SKIC3: variants seen among roughly 807,000 people sequenced by gnomAD.
SKIC3 encodes SKI3 subunit of superkiller complex.
At chr5:95,525,250 A>T in the SKIC3 span, 2 of 752,634 alleles carry the variant, frequency 2.7e-6, no homozygotes, top group Non-Finnish European at 4.4e-6. Flanking sequence ...CATGCTAAAT[A>T]CATTTCTTTA....
At chr5:95,516,753 GA>G in the SKIC3 span, 404 of 1,612,578 alleles carry the variant, frequency 2.5e-4, 1 homozygote, top group Non-Finnish European at 3.2e-4. Flanking sequence ...TTCAGACACT[GA>G]AAAGAAGTTA....
chr5:95,492,679 A>AAAAAAAAAAAAAAAAAAC, the SKIC3 span, among the ~76,000 whole-genome samples: 1 of 136,272 alleles, frequency 7.3e-6, no homozygotes, highest in Non-Finnish European at 1.6e-5. Flanking sequence ...AAAAAAAAAA[A>AAAAAAAAAAAAAAAAAAC]AAAAAAAAAA....
At chr5:95,512,205 G>A in the SKIC3 span, among the ~76,000 whole-genome samples, 1 of 152,254 alleles carries the variant, frequency 6.6e-6, no homozygotes, top group South Asian at 2.1e-4. Context: ...AGTGTATAGT[G>A]TATAGTGGAG....
At chr5:95,494,338 T>G in the SKIC3 span, among the ~76,000 whole-genome samples, 1 of 152,156 alleles carries the variant, frequency 6.6e-6, no homozygotes, top group Non-Finnish European at 1.5e-5. Context: ...AAATATAAAC[T>G]TTGCTCCTAT....
the SKIC3 span, chr5:95,494,557 C>T: frequency 4.1e-6 from 4 of 971,396 alleles, no homozygotes; most frequent in Admixed American, 2.0e-5. Flanking sequence ...AAATTACACA[C>T]ATTTTTGTCT....
chr5:95,528,071 GC>G, the SKIC3 span: 1 of 1,613,722 alleles, frequency 6.2e-7, no homozygotes, highest in Non-Finnish European at 8.5e-7. Context: ...TTTAATCAAA[GC>G]CTCTGCTTTC....
chr5:95,541,746 A>G, the SKIC3 span: 4 of 1,162,132 alleles, frequency 3.4e-6, no homozygotes, highest in Non-Finnish European at 5.1e-6. Context: ...ATACTTCTAC[A>G]TGATTTTTAA....
chr5:95,527,634 C>G, the SKIC3 span, among the ~76,000 whole-genome samples: 2 of 152,124 alleles, frequency 1.3e-5, no homozygotes, highest in African/African-American at 4.8e-5. Context: ...AATAAACATT[C>G]TCTACCATGA....
the SKIC3 span, among the ~76,000 whole-genome samples, chr5:95,547,486 C>T: frequency 6.6e-6 from 1 of 152,032 alleles, no homozygotes; most frequent in Non-Finnish European, 1.5e-5. Context: ...ATATATTCTA[C>T]TTATTTATCC....
At chr5:95,521,953 A>C in the SKIC3 span, 4 of 1,471,676 alleles carry the variant, frequency 2.7e-6, no homozygotes, top group East Asian at 9.2e-5. Flanking sequence ...TGACTAAAGA[A>C]GTCCTTTTCA....
chr5:95,502,788 C>T, the SKIC3 span: 1 of 1,566,208 alleles, frequency 6.4e-7, no homozygotes, highest in African/African-American at 1.4e-5. Context: ...CCCAAAAGTT[C>T]CTAAAACATG....
the SKIC3 span, chr5:95,547,286 G>A: frequency 1.4e-6 from 1 of 726,370 alleles, no homozygotes; most frequent in Non-Finnish European, 2.4e-6. Flanking sequence ...CTTCCCTCTA[G>A]AATATACACA....
the SKIC3 span, chr5:95,520,866 C>T: frequency 7.5e-7 from 1 of 1,331,036 alleles, no homozygotes; most frequent in Middle Eastern, 2.0e-4. Context: ...ATAAAATAAA[C>T]ACTTAAAATG....
the SKIC3 span, chr5:95,528,191 T>A: frequency 6.2e-7 from 1 of 1,612,692 alleles, no homozygotes; most frequent in Non-Finnish European, 8.5e-7. Flanking sequence ...GACAGCCATA[T>A]CACTTCTGTT....
chr5:95,477,768 T>C, the SKIC3 span, among the ~76,000 whole-genome samples: 575 of 152,326 alleles, frequency 3.8e-3, 4 homozygotes, highest in South Asian at 7.2e-3. Flanking sequence ...TAGAATTATA[T>C]CATACATCCT....
At chr5:95,525,178 C>A in the SKIC3 span, among the ~76,000 whole-genome samples, 191 of 152,188 alleles carry the variant, frequency 1.3e-3, 1 homozygote, top group Non-Finnish European at 4.7e-4. Context: ...CCACCACGCC[C>A]GGCCAAGATC....
the SKIC3 span, among the ~76,000 whole-genome samples, chr5:95,526,710 C>T: frequency 5.0e-4 from 76 of 152,214 alleles, no homozygotes; most frequent in Non-Finnish European, 9.3e-4. Flanking sequence ...CTCAAGTGAT[C>T]CACCTGCCTC....
At chr5:95,543,355 G>A in the SKIC3 span, 9 of 1,611,924 alleles carry the variant, frequency 5.6e-6, no homozygotes, top group African/African-American at 1.3e-5. Context: ...AAAAGAGTAG[G>A]TTAGTAAATT....
the SKIC3 span, among the ~76,000 whole-genome samples, chr5:95,531,274 A>G: frequency 6.6e-6 from 1 of 152,328 alleles, no homozygotes; most frequent in African/African-American, 2.4e-5. Context: ...TGATTTAGAA[A>G]TCCAAGTTGG....
Sources: allele counts gnomAD v4.1 joint callset (sites outside exome capture counted in the v4.1 genomes callset), GRCh38; gene constraint gnomAD v4.1.1; transcripts MANE v1.5; gene names NCBI Gene and HGNC (gene_info 2026-07-23, HGNC 2026-07-21).